PLXNA4: variants seen among roughly 807,000 people sequenced by gnomAD.
PLXNA4 encodes the protein plexin A4.
Under a neutral mutation model 191.8 loss-of-function variants are expected in PLXNA4, and 44 were observed. The ratio of observed to expected loss-of-function variants is 0.23; its 90% confidence interval spans 0.18 to 0.29. The LOEUF (loss-of-function observed/expected upper bound fraction) is 0.29. PLXNA4 is among the 10% of genes least tolerant of loss of function. PLXNA4 has a pLI of 1.00. For synonymous variants in PLXNA4, 1,082 were observed against 1,009.5 expected (o/e 1.07, Z -1.36); for missense variants, 1,800 against 2,488.8 (o/e 0.72, Z 5.89).
chr7:132,570,164 C>CT (rs370510576), intron 1 of PLXNA4, among the ~76,000 whole-genome samples: 3 of 152,136 alleles, frequency 2.0e-5, no homozygotes, highest in African/African-American at 7.2e-5. Context: ...ACTGCGGAAA[C>CT]TTTTTTGCAT....
chr7:132,483,605 G>A (rs190975941), intron 3 of PLXNA4, among the ~76,000 whole-genome samples: 1 of 152,274 alleles, frequency 6.6e-6, no homozygotes, highest in Admixed American at 6.5e-5. Flanking sequence ...ATGATTTGGG[G>A]TGTTTGTGCA....
intron 3 of PLXNA4, among the ~76,000 whole-genome samples, chr7:132,312,256 A>C (rs1252441845): frequency 6.6e-6 from 1 of 152,146 alleles, no homozygotes; most frequent in African/African-American, 2.4e-5. Context: ...AGATATTGGA[A>C]AACCATTCTC....
intron 3 of PLXNA4, among the ~76,000 whole-genome samples, chr7:132,392,774 C>T (rs1268458991): frequency 6.6e-6 from 1 of 152,210 alleles, no homozygotes; most frequent in Non-Finnish European, 1.5e-5. Flanking sequence ...CCACAGCCAT[C>T]CTGGTCATTG....
At position 132,482,695 on chromosome 7, in the gene PLXNA4, C is replaced by CTTT. The variant is rs11448338; in HGVS notation, c.1371+6594_1371+6596dup. Among the ~76,000 whole-genome samples, 966 of 141,232 alleles carry CTTT rather than the reference C, an allele frequency of 6.8e-3. 14 individuals carry two copies. Among genetic ancestry groups the CTTT allele is most frequent in the African/African-American group, 0.023 (885 of 37,892 alleles). The allele number at this position is 141,232 out of a possible 152,430, so 92.7% of individuals were successfully genotyped here. On this transcript the variant is annotated intron_variant, in intron 3 of 31. Transcript: ENST00000321063. ...GAGTGAGTGTGGGAGCTTCGAGAAA[C>CTTT]TTTTTTTTTTTTTTTGAGATGGAGT...
At chr7:132,390,780 C>G (rs1427595339) in intron 3 of PLXNA4, among the ~76,000 whole-genome samples, 1 of 152,150 alleles carries the variant, frequency 6.6e-6, no homozygotes, top group African/African-American at 2.4e-5. Context: ...TCAGCAGGCA[C>G]TTGCACTCCT....
chr7:132,625,071 G>A (rs886243619), intron 2 of PLXNA4, among the ~76,000 whole-genome samples: 1 of 152,192 alleles, frequency 6.6e-6, no homozygotes, highest in African/African-American at 2.4e-5. Flanking sequence ...TGGCCTTCAC[G>A]ATTTTTTCTT....
At chr7:132,322,098 A>C (rs1802190340) in intron 3 of PLXNA4, among the ~76,000 whole-genome samples, 1 of 152,056 alleles carries the variant, frequency 6.6e-6, no homozygotes, top group South Asian at 2.1e-4. Flanking sequence ...AAATCTTTGC[A>C]TGCAGGCACT....
chr7:132,447,849 C>G (rs1455775823), intron 3 of PLXNA4, among the ~76,000 whole-genome samples: 1 of 151,654 alleles, frequency 6.6e-6, no homozygotes, highest in Non-Finnish European at 1.5e-5. Context: ...GATTAAAACA[C>G]TTTTTAAAAA....
intron 2 of PLXNA4, among the ~76,000 whole-genome samples, chr7:132,644,080 T>G (rs577887328): frequency 1.3e-5 from 2 of 152,358 alleles, no homozygotes; most frequent in South Asian, 4.1e-4. Flanking sequence ...ATATATTTAT[T>G]ACCGTGGGTT....
intron 25 of PLXNA4, among the ~76,000 whole-genome samples, chr7:132,155,083 T>A (rs1195672092): frequency 6.6e-6 from 1 of 152,182 alleles, no homozygotes; most frequent in African/African-American, 2.4e-5. Flanking sequence ...AAAAAATATA[T>A]CCTTTCAGCT....
At chr7:132,334,252 CTTTTTTTT>C (rs71529758) in intron 3 of PLXNA4, among the ~76,000 whole-genome samples, 1 of 75,608 alleles carries the variant, frequency 1.3e-5, no homozygotes, top group Admixed American at 1.8e-4. Flanking sequence ...TTCTTTCTTT[CTTTTTTTT>C]TTTTTTTTTT....
chr7:132,380,826 A>G (rs551882419), intron 3 of PLXNA4, among the ~76,000 whole-genome samples: 95 of 152,358 alleles, frequency 6.2e-4, no homozygotes, highest in Middle Eastern at 6.8e-3. Context: ...GTCTATGTCT[A>G]TCAAATTCTC....
intron 3 of PLXNA4, among the ~76,000 whole-genome samples, chr7:132,413,553 A>G (rs1167144484): frequency 6.6e-6 from 1 of 152,116 alleles, no homozygotes; most frequent in Non-Finnish European, 1.5e-5. Flanking sequence ...CTCAACCTAA[A>G]CCCAACTCAG....
intron 3 of PLXNA4, among the ~76,000 whole-genome samples, chr7:132,418,046 A>G (rs1794721632): frequency 6.6e-6 from 1 of 152,182 alleles, no homozygotes; most frequent in African/African-American, 2.4e-5. Context: ...CTGGGCACTG[A>G]GTCTTAATGA....
chr7:132,466,028 T>C (rs1422247484), intron 3 of PLXNA4, among the ~76,000 whole-genome samples: 3 of 151,960 alleles, frequency 2.0e-5, no homozygotes, highest in Admixed American at 6.6e-5. Flanking sequence ...GGTCTCAACT[T>C]GGGAAACATC....
At chr7:132,387,758 C>T (rs1378166537) in intron 3 of PLXNA4, among the ~76,000 whole-genome samples, 1 of 152,084 alleles carries the variant, frequency 6.6e-6, no homozygotes, top group African/African-American at 2.4e-5. Context: ...TGTGGGCGGC[C>T]CACGCAGAGA....
chr7:132,497,935 A>T (rs1230440497), intron 2 of PLXNA4, among the ~76,000 whole-genome samples: 3 of 152,174 alleles, frequency 2.0e-5, no homozygotes, highest in Non-Finnish European at 4.4e-5. Flanking sequence ...GAGAGCCAGC[A>T]AGCCACAGTC....
At chr7:132,455,813 C>T (rs1796293701) in intron 3 of PLXNA4, among the ~76,000 whole-genome samples, 1 of 152,182 alleles carries the variant, frequency 6.6e-6, no homozygotes, top group Admixed American at 6.5e-5. Flanking sequence ...GCCTGGCTCC[C>T]AGTGACCTGA....
chr7:132,617,663 C>T (rs546986025), intron 2 of PLXNA4, among the ~76,000 whole-genome samples: 4 of 152,268 alleles, frequency 2.6e-5, no homozygotes, highest in African/African-American at 9.6e-5. Context: ...ACTGACAACC[C>T]ATTTCCCAAA....
Sources: allele counts gnomAD v4.1 joint callset (sites outside exome capture counted in the v4.1 genomes callset), GRCh38; gene constraint gnomAD v4.1.1; transcripts MANE v1.5; gene names NCBI Gene and HGNC (gene_info 2026-07-23, HGNC 2026-07-21).